CHD7: variants seen among roughly 807,000 people sequenced by gnomAD.
The protein encoded by CHD7 is ATP-dependent chromatin remodeler CHD7.
Under a neutral mutation model 307.3 loss-of-function variants are expected in CHD7, and 24 were observed. The ratio of observed to expected loss-of-function variants is 0.08; its 90% CI spans 0.06 to 0.11. CHD7 has a LOEUF of 0.11. Among genes scored for constraint, CHD7 ranks in the 10% least tolerant of loss-of-function variants. CHD7 has a pLI of 1.00. For synonymous variants in CHD7, 1,363 were observed against 1,349.9 expected (o/e 1.01, Z -0.21); for missense variants, 3,106 against 3,727.1 (o/e 0.83, Z 4.34).
At chr8:60,816,761 G>A (rs532037099) in intron 8 of CHD7, among the ~76,000 whole-genome samples, 221 of 152,314 alleles carry the variant, frequency 1.5e-3, no homozygotes, top group Non-Finnish European at 2.3e-3. Flanking sequence ...TGTAATGAAA[G>A]TACAGTTAGC....
chr8:60,829,986 T>C lies in CHD7; in HGVS notation c.3523-336T>C, dbSNP rs79727252. Among the ~76,000 whole-genome samples the C allele has an allele frequency of 7.7e-3, 1,167 of 152,308 alleles. 19 individuals are homozygous for C. Among genetic ancestry groups the C allele is most frequent in the African/African-American group, 0.026 (1,085 of 41,556 alleles). ...TAGAAACAGAGCATTGCCATGACATTGTCTTGTCCCTCTTCTCTATCTTCC... is the reference window on the plus strand; with the variant it reads ...TAGAAACAGAGCATTGCCATGACATCGTCTTGTCCCTCTTCTCTATCTTCC... On this transcript the variant is annotated intron_variant, in intron 14 of 37. Coordinates refer to ENST00000423902, the MANE Select transcript of CHD7 (RefSeq NM_017780.4).
chr8:60,692,042 C>T (rs902694576), intron 1 of CHD7, among the ~76,000 whole-genome samples: 7 of 152,018 alleles, frequency 4.6e-5, no homozygotes, highest in Admixed American at 1.3e-4. Flanking sequence ...CTGAAACTTA[C>T]GAAGCAATGT....
chr8:60,851,338 T>C lies in CHD7; in HGVS notation c.5665+19T>C, dbSNP rs1192493019. 3.2e-6 allele frequency: 5 copies of C among 1,550,766 alleles called. No individual in the cohort carries two copies. On this transcript the variant is annotated intron_variant, in intron 28 of 37. Transcript: ENST00000423902. ...GCCACAGGTAAGGTCCCAGAAAAGCTTGTGTAGCCGAGCAGACGTGCACTG... is the reference window on the plus strand; with the variant it reads ...GCCACAGGTAAGGTCCCAGAAAAGCCTGTGTAGCCGAGCAGACGTGCACTG...
chr8:60,820,310 T>A (rs182415426), intron 9 of CHD7, among the ~76,000 whole-genome samples: 2 of 152,212 alleles, frequency 1.3e-5, no homozygotes, highest in Non-Finnish European at 2.9e-5. Flanking sequence ...TTTTAAAAAA[T>A]TGATTTTCAA....
chr8:60,681,496 A>G (rs1476366619), intron 1 of CHD7, among the ~76,000 whole-genome samples: 2 of 152,232 alleles, frequency 1.3e-5, no homozygotes, highest in Non-Finnish European at 2.9e-5. Context: ...AGTAGGAGAC[A>G]TTTTATGTCT....
chr8:60,858,405 T>TA (rs550676613), intron 34 of CHD7, among the ~76,000 whole-genome samples: 115 of 152,260 alleles, frequency 7.6e-4, no homozygotes, highest in South Asian at 2.7e-3. Context: ...TTCTGTAAGT[T>TA]AAAATGCCAT....
intron 1 of CHD7, among the ~76,000 whole-genome samples, chr8:60,683,341 G>T (rs1164251627): frequency 6.6e-6 from 1 of 152,174 alleles, no homozygotes; most frequent in Non-Finnish European, 1.5e-5. Context: ...ATTTCAATTT[G>T]GGTATCACTC....
intron 2 of CHD7, among the ~76,000 whole-genome samples, chr8:60,766,421 G>C (rs1246484389): frequency 2.0e-5 from 3 of 152,228 alleles, no homozygotes; most frequent in Non-Finnish European, 4.4e-5. Context: ...AGATCTTTAA[G>C]AGAAACGTGA....
intron 2 of CHD7, among the ~76,000 whole-genome samples, chr8:60,762,241 C>G (rs1810249932): frequency 6.6e-6 from 1 of 152,222 alleles, no homozygotes; most frequent in Non-Finnish European, 1.5e-5. Flanking sequence ...TTCTTCACAA[C>G]CTTTTCACCC....
At chr8:60,859,040 C>T (rs572408282) in intron 34 of CHD7, among the ~76,000 whole-genome samples, 2 of 152,118 alleles carry the variant, frequency 1.3e-5, no homozygotes, top group South Asian at 4.1e-4. Context: ...TATTTTAAGC[C>T]GTTGTTAAGA....
intron 14 of CHD7, among the ~76,000 whole-genome samples, 157 bp from the exon 15 acceptor site, chr8:60,830,165 T>A (rs1445361108): frequency 1.3e-5 from 2 of 152,246 alleles, no homozygotes; most frequent in African/African-American, 4.8e-5. Context: ...ACTGCTCTTA[T>A]GAAAGCTGAG....
At position 60,850,530 on chromosome 8, in the gene CHD7, G is replaced by C; in HGVS notation, c.5442G>C (p.Ala1814=). The change falls in exon 26 of 38, where the codon GCG becomes GCC. Residue 1814 remains alanine, a synonymous_variant. Coordinates refer to ENST00000423902, the MANE Select transcript of CHD7 (RefSeq NM_017780.4). ...ACAACTCCATGCGAGCTGACCCCGC[G>C]CTGTGCTTTCTGGAACGAGTCGGTA... is the stretch of plus-strand genomic sequence containing the variant. ...EKYNSMRADP[A]LCFLERVGMP... The C allele has an allele frequency of 6.2e-7, 1 of 1,613,642 alleles. No homozygotes were observed. The highest frequency in any genetic ancestry group is 8.5e-7 in the Non-Finnish European group (1 of 1,179,732).
intron 1 of CHD7, among the ~76,000 whole-genome samples, chr8:60,716,672 C>T (rs1265422334): frequency 3.3e-5 from 5 of 152,164 alleles, no homozygotes; most frequent in Non-Finnish European, 7.4e-5. Flanking sequence ...TAGTTATTTA[C>T]TTATTTATTT....
At chr8:60,850,049 G>A (rs565666162) in intron 25 of CHD7, among the ~76,000 whole-genome samples, 6 of 152,258 alleles carry the variant, frequency 3.9e-5, no homozygotes, top group African/African-American at 1.4e-4. Flanking sequence ...CTGGCCTTAT[G>A]TATATGGGGA....
intron 1 of CHD7, among the ~76,000 whole-genome samples, chr8:60,726,327 C>T (rs929395550): frequency 2.0e-5 from 3 of 152,148 alleles, no homozygotes; most frequent in African/African-American, 7.2e-5. Flanking sequence ...TCTTCAGCTC[C>T]CTTTCCACTT....
At chr8:60,832,372 CAT>C (rs930645904) in intron 15 of CHD7, among the ~76,000 whole-genome samples, 25 of 152,032 alleles carry the variant, frequency 1.6e-4, no homozygotes, top group African/African-American at 4.8e-4. Context: ...AAGAGAGTAT[CAT>C]GTGTGATGAT....
In CHD7 at chr8:60,866,184, T is replaced by C. The variant is rs529121143; in HGVS notation, c.*251T>C. 291 of 358,244 alleles carry C rather than the reference T, an allele frequency of 8.1e-4. No individual in the cohort carries two copies. The highest frequency in any genetic ancestry group is 2.9e-3 in the South Asian group (40 of 13,860). 22.2% of individuals were successfully genotyped at this position (358,244 alleles called of 1,614,324 possible). ...GGTGATCATGTCTTTTTAAGGAAAC[T>C]TACATAATGCTCTGCTTTTTTTTTT... On this transcript the variant is annotated 3_prime_UTR_variant, in exon 38 of 38. Coordinates refer to ENST00000423902, the MANE Select transcript of CHD7 (RefSeq NM_017780.4).
intron 1 of CHD7, among the ~76,000 whole-genome samples, chr8:60,739,629 G>A (rs1374931589): frequency 2.0e-5 from 3 of 152,176 alleles, no homozygotes; most frequent in Admixed American, 1.3e-4. Context: ...GCTGTCACCT[G>A]AAAACTACAG....
Position 60,822,541 on chromosome 8 carries a change from A to G in CHD7, c.2996A>G (p.Lys999Arg). 6.2e-7 allele frequency: 1 copy of G among 1,613,746 alleles called. No homozygotes were observed. Among genetic ancestry groups the G allele is most frequent in the Non-Finnish European group, 8.5e-7 (1 of 1,179,660 alleles). ...TTAGCAGATGAAATGGGTTTGGGAAAAACTATCCAGTCCATTACATTTCTC... is the reference window on the plus strand; with the variant it reads ...TTAGCAGATGAAATGGGTTTGGGAAGAACTATCCAGTCCATTACATTTCTC... ...CILADEMGLG[K>R]TIQSITFLYE... is the part of the protein sequence containing the mutation. Residue 999 changes from lysine (K) to arginine (R), a missense_variant, in exon 12 of 38, where the codon AAA (lysine) becomes AGA (arginine). Physicochemically the swap from Lys to Arg is conservative, Grantham distance 26. This residue lies in a region of CHD7 where 188 missense variants were observed against 261.7 expected (regional missense o/e 0.72). Coordinates refer to ENST00000423902, the MANE Select transcript of CHD7 (RefSeq NM_017780.4).
Sources: allele counts gnomAD v4.1 joint callset (sites outside exome capture counted in the v4.1 genomes callset), GRCh38; gene constraint gnomAD v4.1.1; regional missense constraint gnomAD v4.1.1; transcripts MANE v1.5; gene names NCBI Gene and HGNC (gene_info 2026-07-23, HGNC 2026-07-21).